The following RABGAP1L variants were observed in gnomAD, a reference collection of about 807,000 sequenced individuals.
The protein encoded by RABGAP1L is rab GTPase-activating protein 1-like.
A neutral mutation model predicts 137.7 loss-of-function variants in RABGAP1L; 63 were observed. The ratio of observed to expected loss-of-function variants is 0.46; its 90% CI spans 0.37 to 0.56. The LOEUF (loss-of-function observed/expected upper bound fraction) is 0.56. RABGAP1L is among the 20% of genes least tolerant of loss of function. The pLI is 0.00. For synonymous variants in RABGAP1L, 431 were observed against 433.7 expected, an observed-to-expected ratio of 0.99 and a Z score of 0.08; for missense variants, 1,095 against 1,244.0, an observed-to-expected ratio of 0.88 and a Z score of 1.80.
At chr1:174,435,843 C>G (rs1653219692) in intron 13 of RABGAP1L, among the ~76,000 whole-genome samples, 1 of 141,686 alleles carries the variant, frequency 7.1e-6, no homozygotes, top group Non-Finnish European at 1.5e-5. Context: ...GTGTGATGTT[C>G]CCCTTCCTGT....
chr1:174,220,606 T>G (rs1341978673), intron 2 of RABGAP1L: 1 of 155,014 alleles, frequency 6.5e-6, no homozygotes, highest in African/African-American at 2.4e-5. Flanking sequence ...AGGCGAAGTT[T>G]GCAATAAGCT....
intron 19 of RABGAP1L, among the ~76,000 whole-genome samples, chr1:174,949,565 G>T (rs1021535715): frequency 1.3e-5 from 2 of 152,116 alleles, no homozygotes; most frequent in Admixed American, 6.5e-5. Flanking sequence ...GGGGGTAGAA[G>T]GTGGGGTATT....
intron 19 of RABGAP1L, among the ~76,000 whole-genome samples, chr1:174,929,846 TA>T (rs1663469362): frequency 7.8e-6 from 1 of 128,212 alleles, no homozygotes; most frequent in East Asian, 2.1e-4. Context: ...AAGCAAAATT[TA>T]ATTTTTTTTT....
intron 1 of RABGAP1L, among the ~76,000 whole-genome samples, chr1:174,165,468 T>TA (rs1198827512): frequency 2.0e-5 from 3 of 150,492 alleles, no homozygotes; most frequent in African/African-American, 7.4e-5. Context: ...GTTTTAAGGA[T>TA]AAAAGAAGAG....
At chr1:174,194,235 CTT>C (rs59046200) in intron 1 of RABGAP1L, among the ~76,000 whole-genome samples, 73 of 136,808 alleles carry the variant, frequency 5.3e-4, no homozygotes, top group Non-Finnish European at 4.5e-4. Context: ...TCAGTTAATT[CTT>C]TTTTTTTTTT....
intron 14 of RABGAP1L, among the ~76,000 whole-genome samples, chr1:174,646,228 C>T (rs987880183): frequency 6.6e-6 from 1 of 152,014 alleles, no homozygotes; most frequent in African/African-American, 2.4e-5. Context: ...AGATCCCATT[C>T]ATCAATTTTA....
At chr1:174,377,158 A>G (rs903970580) in intron 12 of RABGAP1L, among the ~76,000 whole-genome samples, 1 of 152,238 alleles carries the variant, frequency 6.6e-6, no homozygotes, top group East Asian at 1.9e-4. Context: ...TGAGCTAAAT[A>G]TATACTTTGA....
At chr1:174,195,696 CCTT>C (rs1667572691) in intron 1 of RABGAP1L, among the ~76,000 whole-genome samples, 1 of 111,026 alleles carries the variant, frequency 9.0e-6, no homozygotes, top group African/African-American at 4.0e-5. Context: ...TTCCTTCTTT[CCTT>C]CTTTCCTTCT....
At position 174,618,650 on chromosome 1, in the gene RABGAP1L, A is replaced by G. The variant is rs554755569; in HGVS notation, c.1711-18725A>G. Among the ~76,000 whole-genome samples the G allele has an allele frequency of 3.3e-5, 5 of 152,336 alleles. No individual in the cohort carries two copies. In the East Asian group the frequency reaches 5.8e-4, roughly 18 times the overall value. ...ACCAAAACCCCATCTATACGTCACC[A>G]TCATCAAAGACCAAAGGTAGATAAA... is the stretch of plus-strand genomic sequence containing the variant. On this transcript the variant is annotated intron_variant, in intron 13 of 25. Coordinates refer to ENST00000681986, the MANE Select transcript of RABGAP1L (RefSeq NM_001366446.1).
chr1:174,541,865 C>A (rs983793112), intron 13 of RABGAP1L, among the ~76,000 whole-genome samples: 3 of 151,566 alleles, frequency 2.0e-5, no homozygotes, highest in African/African-American at 7.3e-5. Context: ...TGTTTTTTGT[C>A]TTTGGTTCTG....
At chr1:174,548,992 G>C (rs1666235713) in intron 13 of RABGAP1L, among the ~76,000 whole-genome samples, 1 of 152,174 alleles carries the variant, frequency 6.6e-6, no homozygotes, top group African/African-American at 2.4e-5. Flanking sequence ...GCCGATACTT[G>C]AAATTGTATA....
At chr1:174,620,574 C>G (rs976098242) in intron 13 of RABGAP1L, among the ~76,000 whole-genome samples, 1 of 152,118 alleles carries the variant, frequency 6.6e-6, no homozygotes, top group Non-Finnish European at 1.5e-5. Context: ...TAAAGATGTT[C>G]TTTGAAACCA....
chr1:174,748,958 C>T (rs1044678209), intron 17 of RABGAP1L, among the ~76,000 whole-genome samples: 1 of 151,858 alleles, frequency 6.6e-6, no homozygotes, highest in South Asian at 2.1e-4. Flanking sequence ...GGGCAGATCA[C>T]TTGAGGTCAA....
intron 17 of RABGAP1L, among the ~76,000 whole-genome samples, chr1:174,735,618 A>C (rs1682870611): frequency 1.7e-5 from 2 of 119,386 alleles, no homozygotes; most frequent in Non-Finnish European, 3.0e-5. Context: ...ATCTCAAAAA[A>C]AAAAAAAAAA....
intron 18 of RABGAP1L, among the ~76,000 whole-genome samples, chr1:174,809,249 A>C (rs1347268259): frequency 1.3e-5 from 2 of 152,120 alleles, no homozygotes; most frequent in African/African-American, 4.8e-5. Context: ...TATCAACACC[A>C]ACAATGTCTA....
chr1:174,348,508 G>C (rs1391517158), intron 11 of RABGAP1L, among the ~76,000 whole-genome samples: 6 of 139,610 alleles, frequency 4.3e-5, no homozygotes, highest in African/African-American at 1.6e-4. Flanking sequence ...TCTCACAGAG[G>C]GGGATTTGGC....
At chr1:174,570,255 A>G (rs1046615806) in intron 13 of RABGAP1L, among the ~76,000 whole-genome samples, 1 of 152,192 alleles carries the variant, frequency 6.6e-6, no homozygotes, top group Non-Finnish European at 1.5e-5. Context: ...CATCATCACT[A>G]TGCATAGAGG....
intron 7 of RABGAP1L, among the ~76,000 whole-genome samples, chr1:174,266,971 A>G (rs1674125770): frequency 6.6e-6 from 1 of 152,202 alleles, no homozygotes; most frequent in Non-Finnish European, 1.5e-5. Context: ...AACCATATTG[A>G]AAAAGTATGA....
At chr1:174,300,992 T>C (rs977373044) in intron 10 of RABGAP1L, among the ~76,000 whole-genome samples, 1 of 152,146 alleles carries the variant, frequency 6.6e-6, no homozygotes, top group African/African-American at 2.4e-5. Flanking sequence ...AACACCCCTG[T>C]CCGGGTTTTG....
Sources: gnomAD v4.1 joint callset for allele counts (sites outside exome capture counted in the v4.1 genomes callset) on GRCh38, gnomAD v4.1.1 for gene constraint, MANE v1.5 for transcripts, NCBI Gene and HGNC (gene_info 2026-07-23, HGNC 2026-07-21) for gene names.